Variants in AGK observed in about 807,000 individuals in gnomAD.
AGK encodes the protein acylglycerol kinase, mitochondrial.
Under a neutral mutation model 66.4 loss-of-function variants are expected in AGK, and 52 were observed. The ratio of observed to expected loss-of-function variants is 0.78; its 90% CI spans 0.63 to 0.99. AGK has a LOEUF of 0.99. Ranked by LOEUF, AGK falls within the 50% of genes least tolerant of loss-of-function variation. AGK has a pLI of 0.00. For missense variants in AGK, 451 were observed against 506.6 expected (o/e 0.89, Z 1.05); for synonymous variants, 182 against 181.1 (o/e 1.00, Z -0.04).
chr7:141,646,866 C>G (rs149486327), intron 13 of AGK, among the ~76,000 whole-genome samples: 253 of 152,306 alleles, frequency 1.7e-3, no homozygotes, highest in African/African-American at 5.9e-3. Context: ...ACAGTGTTCA[C>G]TCTCTGGCTC....
chr7:141,633,697 T>C (rs1797108837), intron 9 of AGK, among the ~76,000 whole-genome samples: 1 of 152,252 alleles, frequency 6.6e-6, no homozygotes, highest in South Asian at 2.1e-4. Context: ...ACCTGATGTG[T>C]AAAAATTACC....
intron 2 of AGK, among the ~76,000 whole-genome samples, chr7:141,590,267 C>G (rs1234586923): frequency 6.6e-6 from 1 of 152,090 alleles, no homozygotes; most frequent in Non-Finnish European, 1.5e-5. Context: ...AGCCTGTTGC[C>G]TTTTGGAGAC....
chr7:141,652,751 G>A lies in AGK; in HGVS notation c.1132-36G>A, dbSNP rs749166793. 15 of 1,608,838 alleles carry A rather than the reference G, an allele frequency of 9.3e-6. No homozygotes were observed. The East Asian group carries it at 2.7e-4, about 29-fold the overall frequency. Reference sequence around the variant, plus strand: ...CCTCCAACTCCAGTAGGCCACTGATGTGTTTGAGCTGTTCTGAATATTCTC... The same window carrying A: ...CCTCCAACTCCAGTAGGCCACTGATATGTTTGAGCTGTTCTGAATATTCTC... On this transcript the variant is annotated intron_variant, in intron 15 of 15. Coordinates refer to ENST00000649286, the MANE Select transcript of AGK (RefSeq NM_018238.4).
chr7:141,562,238 G>A lies in AGK; in HGVS notation c.101+6671G>A, dbSNP rs775526355. On this transcript the variant is annotated intron_variant, in intron 2 of 15. Coordinates refer to ENST00000649286, the MANE Select transcript of AGK (RefSeq NM_018238.4). ...TATTAGCTGTTGTTTTCTCCTTCTC[G>A]GGAGCAGTGTTACTCTGTCATGAGT... is the stretch of plus-strand genomic sequence containing the variant. 2.4e-4 allele frequency: 109 copies of A among 451,996 alleles called. 1 individual carries two copies. Among genetic ancestry groups the A allele is most frequent in the African/African-American group, 9.2e-4 (46 of 49,952 alleles). The allele number at this position is 451,996 out of a possible 1,614,324, so 28.0% of individuals were successfully genotyped here.
intron 15 of AGK, 56 bp downstream of exon 15, chr7:141,651,665 C>T (rs2117033927): frequency 6.6e-7 from 1 of 1,506,412 alleles, no homozygotes; most frequent in African/African-American, 1.4e-5. Flanking sequence ...CATCGGCCTG[C>T]CCCTCTGTGG....
rs1052738096 is a variant in AGK, at chr7:141,654,577, A to T, written c.*1653A>T. ...CCACCTGATTTACCATGGCTTTGCC[A>T]GCCAGTCATTAGCACCATTTACTTT... is the stretch of plus-strand genomic sequence containing the variant. On this transcript the variant is annotated 3_prime_UTR_variant, in exon 16 of 16. Coordinates refer to ENST00000649286, the MANE Select transcript of AGK (RefSeq NM_018238.4). 2 of 152,244 alleles carry T rather than the reference A, an allele frequency of 1.3e-5. No homozygotes were observed. Among genetic ancestry groups the T allele is most frequent in the African/African-American group, 4.8e-5 (2 of 41,440 alleles). 9.4% of individuals were successfully genotyped at this position (152,244 alleles called of 1,614,324 possible).
At chr7:141,604,999 G>A (rs944051642) in intron 5 of AGK, among the ~76,000 whole-genome samples, 1 of 151,286 alleles carries the variant, frequency 6.6e-6, no homozygotes, top group African/African-American at 2.4e-5. Context: ...TTCAGTTTGG[G>A]TTTATCTACT....
intron 11 of AGK, among the ~76,000 whole-genome samples, chr7:141,638,954 G>A (rs1587159350): frequency 6.6e-6 from 1 of 152,128 alleles, no homozygotes; most frequent in Non-Finnish European, 1.5e-5. Context: ...TGGGTTGGGT[G>A]AAATTACCAT....
chr7:141,625,486 A>G (rs1796919254), intron 9 of AGK, among the ~76,000 whole-genome samples: 1 of 152,116 alleles, frequency 6.6e-6, no homozygotes, highest in Admixed American at 6.6e-5. Flanking sequence ...AGTAGCTGGG[A>G]CTATAGGCCC....
At chr7:141,596,870 AT>A (rs1796238425) in intron 4 of AGK, 1 of 512,112 alleles carries the variant, frequency 2.0e-6, no homozygotes, top group Non-Finnish European at 3.5e-6. Context: ...TCATTCCATG[AT>A]TAACACCTAC....
At chr7:141,639,119 A>C (rs972859770) in intron 11 of AGK, among the ~76,000 whole-genome samples, 9 of 152,362 alleles carry the variant, frequency 5.9e-5, no homozygotes, top group Non-Finnish European at 1.3e-4. Flanking sequence ...AGTTTCGAGA[A>C]GCAAAAGCAA....
At chr7:141,571,109 G>A (rs191199397) in intron 2 of AGK, among the ~76,000 whole-genome samples, 4 of 152,192 alleles carry the variant, frequency 2.6e-5, no homozygotes, top group African/African-American at 4.8e-5. Context: ...TAACTTTTTT[G>A]CATTCATTTT....
At chr7:141,642,008 G>A (rs1797303481) in intron 13 of AGK, 100 bp downstream of exon 13, 1 of 1,081,070 alleles carries the variant, frequency 9.3e-7, no homozygotes, top group African/African-American at 1.6e-5. Context: ...TTTTTACCCT[G>A]TGGAGATAGA....
At position 141,653,091 on chromosome 7, in the gene AGK, G is replaced by A. The variant is rs1797604821; in HGVS notation, c.*167G>A. The A allele has an allele frequency of 8.3e-6, 6 of 722,516 alleles. No homozygotes were observed. The Admixed American group carries it at 1.7e-4, about 21-fold the overall frequency. 44.8% of individuals were successfully genotyped at this position (722,516 alleles called of 1,614,324 possible). A position where few individuals can be genotyped will look rare whatever the true frequency, so the allele number is the denominator to read the frequency against. On this transcript the variant is annotated 3_prime_UTR_variant, in exon 16 of 16. Coordinates refer to ENST00000649286, the MANE Select transcript of AGK (RefSeq NM_018238.4). ...AGCAGTGCTTCCCAAAGTGTGCTCT[G>A]TCACCTGCTTTGCAATCGGCTTCCA...
intron 10 of AGK, among the ~76,000 whole-genome samples, chr7:141,635,025 ATCTGAAATCTCAAATCCAGCAGC>A (rs1425643053): frequency 6.6e-6 from 1 of 152,122 alleles, no homozygotes; most frequent in Non-Finnish European, 1.5e-5. Context: ...CTTGTGTTTG[ATCTGAAATCTCAAATCCAGCAGC>A]TCACCAAGAG....
chr7:141,644,717 C>A (rs147933394), intron 13 of AGK, among the ~76,000 whole-genome samples: 1 of 152,150 alleles, frequency 6.6e-6, no homozygotes, highest in African/African-American at 2.4e-5. Flanking sequence ...CAACATAGTT[C>A]CATTTTTCTT....
intron 2 of AGK, among the ~76,000 whole-genome samples, chr7:141,577,869 C>G (rs531462634): frequency 6.7e-6 from 1 of 149,378 alleles, no homozygotes; most frequent in Admixed American, 6.7e-5. Flanking sequence ...CCCAGGCTGG[C>G]GTGCAGTGGT....
At chr7:141,572,728 C>A (rs1234611598) in intron 2 of AGK, among the ~76,000 whole-genome samples, 1 of 151,834 alleles carries the variant, frequency 6.6e-6, no homozygotes, top group Non-Finnish European at 1.5e-5. Flanking sequence ...AAGAAAGTTG[C>A]CAGGGAGAAT....
At chr7:141,601,065 A>G in intron 4 of AGK, 140 bp from the exon 5 acceptor site, 2 of 585,050 alleles carry the variant, frequency 3.4e-6, no homozygotes, top group Non-Finnish European at 5.9e-6. Context: ...CTTGTTGTTA[A>G]ACTTTCTGTG....
Sources: allele counts gnomAD v4.1 joint callset (sites outside exome capture counted in the v4.1 genomes callset), GRCh38; gene constraint gnomAD v4.1.1; transcripts MANE v1.5; gene names NCBI Gene and HGNC (gene_info 2026-07-23, HGNC 2026-07-21).